The following PCDHA4 variants were observed in gnomAD, a reference collection of about 807,000 sequenced individuals.
The protein encoded by PCDHA4 is protocadherin alpha-4.
In PCDHA4, 49 loss-of-function variants were observed where a neutral mutation model predicts 61.4. That is an observed-to-expected ratio of 0.80 (90% CI 0.63 to 1.01). PCDHA4 has a LOEUF of 1.01. Among genes scored for constraint, PCDHA4 ranks in the 50% least tolerant of loss-of-function variants. PCDHA4 has a pLI of 0.00. For missense variants in PCDHA4, 1,254 were observed against 1,235.8 expected, an observed-to-expected ratio of 1.01 and a Z score of -0.22; for synonymous variants, 590 against 550.3, an observed-to-expected ratio of 1.07 and a Z score of -1.01.
intron 3 of PCDHA4, among the ~76,000 whole-genome samples, chr5:141,005,519 C>T (rs1374058521): frequency 1.3e-5 from 2 of 151,140 alleles, no homozygotes; most frequent in Middle Eastern, 3.2e-3. Context: ...CTGGCTAACA[C>T]GGTGAAACCC....
intron 1 of PCDHA4, chr5:140,847,946 T>C (rs1180480457): frequency 6.6e-6 from 1 of 151,812 alleles, no homozygotes; most frequent in Non-Finnish European, 1.5e-5. Context: ...CCTGGATTTC[T>C]CTTACACTAG....
Position 140,968,974 on chromosome 5 carries a change from G to A in PCDHA4, c.2386-9975G>A, listed in dbSNP as rs17119326. 3.9e-3 allele frequency: 6,227 copies of A among 1,614,174 alleles called. 151 individuals carry two copies. The African/African-American group carries it at 0.06, about 16-fold the overall frequency. On this transcript the variant is annotated intron_variant, in intron 1 of 3. Coordinates refer to ENST00000530339, the MANE Select transcript of PCDHA4 (RefSeq NM_018907.4). Reference sequence around the variant, plus strand: ...TCATCAAGTGCTACCGCTACACTGCGTATGGCACTGCATGCTGTGGAGGCT... The same window carrying A: ...TCATCAAGTGCTACCGCTACACTGCATATGGCACTGCATGCTGTGGAGGCT...
At chr5:140,993,958 G>A (rs782075870) in intron 3 of PCDHA4, among the ~76,000 whole-genome samples, 1 of 152,162 alleles carries the variant, frequency 6.6e-6, no homozygotes, top group Non-Finnish European at 1.5e-5. Context: ...ATACATGACT[G>A]TAGTCATCAT....
intron 1 of PCDHA4, among the ~76,000 whole-genome samples, chr5:140,963,972 A>G (rs1233467161): frequency 2.0e-5 from 3 of 152,216 alleles, no homozygotes; most frequent in Non-Finnish European, 4.4e-5. Flanking sequence ...GACTGACTCC[A>G]AAGTCTATAT....
intron 1 of PCDHA4, among the ~76,000 whole-genome samples, chr5:140,965,464 C>T (rs987279720): frequency 1.3e-5 from 2 of 151,782 alleles, no homozygotes; most frequent in Admixed American, 1.3e-4. Context: ...AAGATAAATC[C>T]CAGACTCCCA....
At chr5:141,002,532 C>T (rs571310813) in intron 3 of PCDHA4, among the ~76,000 whole-genome samples, 26 of 152,270 alleles carry the variant, frequency 1.7e-4, no homozygotes, top group African/African-American at 6.0e-4. Flanking sequence ...AGTCAGACTC[C>T]CTAGATTTGA....
At chr5:140,887,629 T>C (rs2061519169) in intron 1 of PCDHA4, among the ~76,000 whole-genome samples, 1 of 152,128 alleles carries the variant, frequency 6.6e-6, no homozygotes, top group Non-Finnish European at 1.5e-5. Flanking sequence ...TTTATGTTAG[T>C]CTGTTGGGGT....
rs113297104 is a variant in PCDHA4 at position 140,984,945 on chromosome 5, CT to C, written c.2533+2392del. On this transcript the variant is annotated intron_variant, in intron 3 of 3. Transcript: ENST00000530339. The stretch of plus-strand genomic sequence containing the variant: ...GACATATAGTTAATAAATGTCTAAT[CT>C]TTTTTTTTTGAGACAGAGTCTCGCT... Among the ~76,000 whole-genome samples the C allele has an allele frequency of 9.4e-3, 1,407 of 149,276 alleles. 15 individuals are homozygous for C. Among genetic ancestry groups the C allele is most frequent in the East Asian group, 0.044 (226 of 5,092 alleles).
At chr5:140,877,935 C>A (rs1184618592) in intron 1 of PCDHA4, 28 of 1,388,566 alleles carry the variant, frequency 2.0e-5, no homozygotes, top group Admixed American at 3.0e-5. Context: ...TGATTCTATC[C>A]TTTAAACTAT....
At chr5:140,881,239 A>G in intron 1 of PCDHA4, 1 of 370,812 alleles carries the variant, frequency 2.7e-6, no homozygotes. Flanking sequence ...AGTCAATTTA[A>G]ATGACGGCAA....
At chr5:140,824,152 A>T (rs184380215) in intron 1 of PCDHA4, 13 of 1,611,614 alleles carry the variant, frequency 8.1e-6, no homozygotes, top group Middle Eastern at 1.7e-4. Context: ...ATTAACATCC[A>T]TCTTTCCCTC....
At chr5:140,917,519 T>C (rs1554198226) in intron 1 of PCDHA4, among the ~76,000 whole-genome samples, 1 of 152,256 alleles carries the variant, frequency 6.6e-6, no homozygotes, top group East Asian at 1.9e-4. Context: ...GGTTTTATTC[T>C]ACGGTTTGTA....
At chr5:140,851,995 T>C in intron 1 of PCDHA4, 2 of 976,422 alleles carry the variant, frequency 2.0e-6, no homozygotes, top group South Asian at 4.8e-5. Context: ...GCTATTTGTT[T>C]GTTTTCTAAT....
intron 1 of PCDHA4, chr5:140,841,768 C>G: frequency 6.2e-7 from 1 of 1,613,936 alleles, no homozygotes; most frequent in South Asian, 1.1e-5. Flanking sequence ...GAATGCCAGA[C>G]TCTCGGTTTC....
intron 1 of PCDHA4, chr5:140,842,447 G>C (rs200777298): frequency 6.2e-7 from 1 of 1,613,790 alleles, no homozygotes; most frequent in Non-Finnish European, 8.5e-7. Context: ...TAGCGTGAAC[G>C]ACCTCGATTC....
chr5:140,929,461 C>A, intron 1 of PCDHA4: 1 of 1,314,566 alleles, frequency 7.6e-7, no homozygotes, highest in Non-Finnish European at 1.0e-6. Context: ...CTTCCTGTGC[C>A]AAGAAATCTG....
rs782654173 is a variant in PCDHA4, at chr5:140,809,233, G to T, written c.2046G>T (p.Ala682=). ...AGGCGCCAAAGGCCTCCTCACGGGC[G>T]TTGGTGGGCGCTGTGGGTCCCGATG... ...SGQAPKASSR[A]LVGAVGPDAA... The change falls in exon 1 of 4, where the codon GCG becomes GCT. Residue 682 remains alanine (A), a synonymous_variant. Coordinates refer to ENST00000530339, the MANE Select transcript of PCDHA4 (RefSeq NM_018907.4). The T allele has an allele frequency of 2.5e-6, 4 of 1,614,102 alleles. No individual in the cohort carries two copies. The highest frequency in any genetic ancestry group is 4.5e-5 in the East Asian group (2 of 44,874).
At chr5:140,876,532 T>C in intron 1 of PCDHA4, 4 of 1,614,158 alleles carry the variant, frequency 2.5e-6, no homozygotes, top group Middle Eastern at 1.6e-4. Context: ...AATGGTTACT[T>C]CACTGTCGCT....
At chr5:140,984,987 G>C (rs1034950978) in intron 3 of PCDHA4, among the ~76,000 whole-genome samples, 7 of 152,028 alleles carry the variant, frequency 4.6e-5, no homozygotes, top group Admixed American at 2.0e-4. Flanking sequence ...CCCCAGGCTG[G>C]AGTCCAGTGG....
Sources: allele counts gnomAD v4.1 joint callset (sites outside exome capture counted in the v4.1 genomes callset), GRCh38; gene constraint gnomAD v4.1.1; transcripts MANE v1.5; gene names NCBI Gene and HGNC (gene_info 2026-07-23, HGNC 2026-07-21).